CAPS2: variants seen among roughly 807,000 people sequenced by gnomAD.
CAPS2 encodes the protein calcyphosine 2, also known as calcyphosin-2.
In CAPS2, 98 loss-of-function variants were observed where a neutral mutation model predicts 86.5. The observed-to-expected ratio is 1.13, with a 90% confidence interval of 0.96 to 1.34. The LOEUF is 1.34. Ranked by LOEUF, CAPS2 falls within the 40% of genes most tolerant of loss-of-function variation. CAPS2 has a pLI of 0.00. For missense variants in CAPS2, 729 were observed against 686.8 expected, an observed-to-expected ratio of 1.06 and a Z score of -0.69; for synonymous variants, 210 against 225.1, an observed-to-expected ratio of 0.93 and a Z score of 0.60.
intron 6 of CAPS2, among the ~76,000 whole-genome samples, chr12:75,315,359 A>C (rs2039647906): frequency 6.6e-6 from 1 of 152,174 alleles, no homozygotes; most frequent in African/African-American, 2.4e-5. Flanking sequence ...TTTTTAGGAT[A>C]ATCCTGATAA....
At chr12:75,388,535 C>A (rs1027404451) in intron 1 of CAPS2, among the ~76,000 whole-genome samples, 2 of 152,102 alleles carry the variant, frequency 1.3e-5, no homozygotes, top group Non-Finnish European at 2.9e-5. Context: ...AGAAGCCAAT[C>A]TGAAAAGACT....
At chr12:75,357,748 C>G (rs957392635) in intron 1 of CAPS2, among the ~76,000 whole-genome samples, 1 of 151,850 alleles carries the variant, frequency 6.6e-6, no homozygotes, top group African/African-American at 2.4e-5. Flanking sequence ...TAACATACTT[C>G]TAAATAACTC....
At chr12:75,390,559 T>C (rs1398402027) in intron 1 of CAPS2, among the ~76,000 whole-genome samples, 1 of 152,250 alleles carries the variant, frequency 6.6e-6, no homozygotes, top group Non-Finnish European at 1.5e-5. Flanking sequence ...GCAATATTTC[T>C]GTATTCCATT....
intron 1 of CAPS2, chr12:75,369,437 T>C (rs2139690694): frequency 2.6e-6 from 2 of 769,534 alleles, no homozygotes; most frequent in East Asian, 1.3e-4. Flanking sequence ...GAATACGTAG[T>C]AGAAGGTCAA....
chr12:75,353,875 A>G lies in CAPS2; in HGVS notation c.-394-30653T>C, dbSNP rs927797028. On this transcript the variant is annotated intron_variant, in intron 1 of 5. Transcript: ENST00000551829. The stretch of plus-strand genomic sequence containing the variant: ...TGAATGTAATTCATTATATCATCAG[A>G]ACTAAAGACAAAAACCATATGATTA... Among the ~76,000 whole-genome samples the G allele has an allele frequency of 2.6e-5, 4 of 152,194 alleles. No individual in the cohort carries two copies. The South Asian group carries it at 8.3e-4, about 32-fold the overall frequency.
intron 7 of CAPS2, chr12:75,305,478 CA>C: frequency 1.7e-6 from 1 of 577,304 alleles, no homozygotes; most frequent in African/African-American, 1.9e-5. Flanking sequence ...TGAGCGACCC[CA>C]ACTTTGCAGC....
Position 75,343,981 on chromosome 12 carries a change from TATTTTAATTGCCAG to T in CAPS2, c.-394-20773_-394-20760del, listed in dbSNP as rs779870381. ...TTATTGATTAGTTCTTATTTGTGCA[TATTTTAATTGCCAG>T]AATTTATTTCTCTGTATGTAAAGTG... On this transcript the variant is annotated intron_variant, in intron 1 of 5. Coordinates refer to the CAPS2 transcript ENST00000551829. 44 of 1,479,148 alleles carry T rather than the reference TATTTTAATTGCCAG, an allele frequency of 3.0e-5. 1 individual carries two copies. In the South Asian group the frequency reaches 4.8e-4, roughly 16 times the overall value. 91.6% of individuals were successfully genotyped at this position (1,479,148 alleles called of 1,614,324 possible).
At chr12:75,368,582 A>G (rs2139681446) in intron 1 of CAPS2, among the ~76,000 whole-genome samples, 1 of 151,254 alleles carries the variant, frequency 6.6e-6, no homozygotes, top group Middle Eastern at 3.4e-3. Context: ...AGATGGCTAG[A>G]TCCTTGTTAA....
At chr12:75,355,373 C>T (rs756348413) in intron 1 of CAPS2, among the ~76,000 whole-genome samples, 1 of 152,170 alleles carries the variant, frequency 6.6e-6, no homozygotes, top group Non-Finnish European at 1.5e-5. Flanking sequence ...TAAAACACAG[C>T]TCAACATCAT....
intron 14 of CAPS2, among the ~76,000 whole-genome samples, chr12:75,287,348 C>T (rs2035072801): frequency 6.6e-6 from 1 of 152,014 alleles, no homozygotes; most frequent in South Asian, 2.1e-4. Flanking sequence ...TATTCTCTGA[C>T]CTCCCTTGTC....
intron 1 of CAPS2, among the ~76,000 whole-genome samples, chr12:75,355,277 T>C (rs1306146169): frequency 6.6e-6 from 1 of 151,840 alleles, no homozygotes; most frequent in Non-Finnish European, 1.5e-5. Context: ...TTAAGTAAAC[T>C]TACAAAACAA....
chr12:75,369,761 T>G (rs1482832700), intron 1 of CAPS2: 17 of 984,794 alleles, frequency 1.7e-5, no homozygotes, highest in Non-Finnish European at 2.0e-5. Context: ...GAAATATTTG[T>G]TGACATAACA....
intron 5 of CAPS2, among the ~76,000 whole-genome samples, chr12:75,320,665 AAT>A (rs1301585083): frequency 1.3e-5 from 2 of 152,032 alleles, no homozygotes; most frequent in African/African-American, 2.4e-5. Flanking sequence ...ATGCTAAGCA[AAT>A]ACAACATTAA....
At chr12:75,312,149 T>C (rs535938361) in intron 7 of CAPS2, among the ~76,000 whole-genome samples, 1 of 152,312 alleles carries the variant, frequency 6.6e-6, no homozygotes, top group East Asian at 1.9e-4. Flanking sequence ...AACTTTAGTT[T>C]TCTAAGGGGT....
intron 7 of CAPS2, among the ~76,000 whole-genome samples, chr12:75,307,089 C>T (rs1390823722): frequency 6.6e-6 from 1 of 152,094 alleles, no homozygotes; most frequent in Admixed American, 6.5e-5. Context: ...ACAGACTCTG[C>T]AACTAGACTG....
At chr12:75,305,937 G>T in intron 7 of CAPS2, 1 of 1,085,244 alleles carries the variant, frequency 9.2e-7, no homozygotes, top group Non-Finnish European at 1.4e-6. Flanking sequence ...TGGTGAAAGC[G>T]CTGGAGCCCG....
At chr12:75,355,993 G>A (rs1023221782) in intron 1 of CAPS2, among the ~76,000 whole-genome samples, 1 of 152,162 alleles carries the variant, frequency 6.6e-6, no homozygotes, top group Non-Finnish European at 1.5e-5. Context: ...AGGGTGGGGA[G>A]AGGGAGAGCA....
intron 15 of CAPS2, 51 bp downstream of exon 15, chr12:75,284,910 C>T (rs2034592283): frequency 6.8e-7 from 1 of 1,477,782 alleles, no homozygotes; most frequent in Non-Finnish European, 9.2e-7. Flanking sequence ...AAATACTGAA[C>T]CTAACAATCT....
rs1486114117 is a variant in CAPS2 at position 75,310,951 on chromosome 12, CT to C, written c.659+1896del. 1.1e-4 allele frequency among the ~76,000 whole-genome samples: 17 copies of C among 152,250 alleles called. No homozygotes were observed. In the East Asian group the frequency reaches 3.3e-3, roughly 29 times the overall value. On this transcript the variant is annotated intron_variant, in intron 7 of 16. Transcript: ENST00000393284. ...GACCATTGCTTTTGCTCATATACAA[CT>C]GGTCAAAATAAAAAGTAAGGCCCTT... is the stretch of plus-strand genomic sequence containing the variant.
Sources: gnomAD v4.1 joint callset for allele counts (sites outside exome capture counted in the v4.1 genomes callset) on GRCh38, gnomAD v4.1.1 for gene constraint, MANE v1.5 for transcripts, NCBI Gene and HGNC (gene_info 2026-07-23, HGNC 2026-07-21) for gene names.